Variants in DENND4A observed in about 807,000 individuals in gnomAD.
The protein encoded by DENND4A is DENN domain containing 4A.
In DENND4A, 70 loss-of-function variants were observed where a neutral mutation model predicts 199.3. That is an observed-to-expected ratio of 0.35 (90% CI 0.29 to 0.43). The LOEUF is 0.43. DENND4A is among the 20% of genes least tolerant of loss of function. The pLI is 1.00. For synonymous variants in DENND4A, 686 were observed against 766.9 expected, an observed-to-expected ratio of 0.89 and a Z score of 1.74; for missense variants, 1,723 against 2,255.8, an observed-to-expected ratio of 0.76 and a Z score of 4.78.
At chr15:65,759,434 C>T (rs1047834833) in intron 2 of DENND4A, among the ~76,000 whole-genome samples, 23 of 151,672 alleles carry the variant, frequency 1.5e-4, no homozygotes, top group African/African-American at 4.9e-4. Context: ...GACAAGATCG[C>T]GCCACTGCAC....
chr15:65,763,196 G>C (rs991827122), intron 1 of DENND4A, among the ~76,000 whole-genome samples: 2 of 152,048 alleles, frequency 1.3e-5, no homozygotes, highest in Admixed American at 1.3e-4. Context: ...TAGCTTCTGC[G>C]GGGAAACAAG....
Position 65,732,780 on chromosome 15 carries a change from G to A in DENND4A, c.1079C>T (p.Ser360Phe). 6.2e-7 allele frequency: 1 copy of A among 1,605,474 alleles called. No homozygotes were observed. The highest frequency in any genetic ancestry group is 1.1e-5 in the South Asian group (1 of 90,414). The change falls in exon 8 of 33, where the codon TCT becomes TTT. Residue 360 changes from serine to phenylalanine, a missense_variant. This residue lies in a region of DENND4A where 725 missense variants were observed against 952.9 expected (regional missense o/e 0.76). Coordinates refer to ENST00000443035, the MANE Select transcript of DENND4A (RefSeq NM_001320835.1). Reference protein sequence around the residue: ...SHFMHKVPFPSPQRPRILVQL... With the variant: ...SHFMHKVPFPFPQRPRILVQL... ...AACTAAAATCCGTGGTCTCTGAGGA[G>A]ATGGAAAAGGAACTTTATGCATAAA...
chr15:65,698,364 A>C (rs922142586), intron 20 of DENND4A, among the ~76,000 whole-genome samples: 16 of 152,188 alleles, frequency 1.1e-4, no homozygotes, highest in African/African-American at 3.9e-4. Flanking sequence ...CGTTTTCACC[A>C]GATTAGTCAC....
chr15:65,705,984 A>G, intron 15 of DENND4A, 107 bp downstream of exon 15: 4 of 1,361,116 alleles, frequency 2.9e-6, no homozygotes, highest in Non-Finnish European at 3.8e-6. Context: ...AAAATTAGGG[A>G]TCTGTAAAGT....
At chr15:65,686,585 A>G (rs538244841) in intron 23 of DENND4A, among the ~76,000 whole-genome samples, 33 of 152,276 alleles carry the variant, frequency 2.2e-4, no homozygotes, top group Middle Eastern at 3.4e-3. Context: ...TTTTTCAGAG[A>G]CAAAGTCTTG....
At chr15:65,730,211 A>G (rs894664812) in intron 9 of DENND4A, among the ~76,000 whole-genome samples, 1 of 152,180 alleles carries the variant, frequency 6.6e-6, no homozygotes, top group African/African-American at 2.4e-5. Flanking sequence ...GTACAAGATG[A>G]TAAGATACAC....
At chr15:65,757,219 A>G (rs2076727019) in intron 2 of DENND4A, among the ~76,000 whole-genome samples, 1 of 143,218 alleles carries the variant, frequency 7.0e-6, no homozygotes, top group Non-Finnish European at 1.5e-5. Flanking sequence ...TCTCCTCAAT[A>G]ATCAAGAGGC....
In DENND4A at chr15:65,706,508, A is replaced by ATTT. The variant is rs1555422315; in HGVS notation, c.1954-287_1954-285dup. 1.7e-3 allele frequency among the ~76,000 whole-genome samples: 228 copies of ATTT among 136,070 alleles called. 3 individuals carry two copies. The East Asian group carries it at 0.027, about 16-fold the overall frequency. The allele number at this position is 136,070 out of a possible 152,430, so 89.3% of individuals were successfully genotyped here. A position where few individuals can be genotyped will look rare whatever the true frequency, so the allele number is the denominator to read the frequency against. ...CACACACACACACATATATATATAT[A>ATTT]TTTTTTTTTGAGACAGTCTTGCTCT... On this transcript the variant is annotated intron_variant, in intron 14 of 32. Transcript: ENST00000443035.
At position 65,749,177 on chromosome 15, in the gene DENND4A, CTT is replaced by C. The variant is rs564903763; in HGVS notation, c.561+3200_561+3201del. ...ATAAAATCTTAATAGTAAATATGCG[CTT>C]TGATCCAGAAATTCCAGGACGAACC... On this transcript the variant is annotated intron_variant, in intron 4 of 32. Transcript: ENST00000443035. Among the ~76,000 whole-genome samples the C allele has an allele frequency of 5.9e-5, 9 of 151,426 alleles. No individual in the cohort carries two copies. In the South Asian group the frequency reaches 1.9e-3, roughly 31 times the overall value.
chr15:65,700,672 T>A lies in DENND4A; in HGVS notation c.2705A>T (p.Asp902Val), dbSNP rs567137229. The change falls in exon 20 of 33, where the codon GAT (aspartate) becomes GTT (valine). Residue 902 changes from aspartate (D) to valine (V), a missense_variant. Physicochemically the swap from Asp to Val is radical, Grantham distance 152. Coordinates refer to ENST00000443035, the MANE Select transcript of DENND4A (RefSeq NM_001320835.1). The part of the protein sequence containing the change: ...AHLSQTTLSA[D>V]GSDLDAVSHG... The stretch of plus-strand genomic sequence containing the variant: ...ACTAACAGCATCCAGGTCACTGCCA[T>A]CTGCTTAAGAACACAATTTGACAGC... 1 of 1,534,858 alleles carries A rather than the reference T, an allele frequency of 6.5e-7. No individual in the cohort carries two copies. Among genetic ancestry groups the A allele is most frequent in the African/African-American group, 1.4e-5 (1 of 72,158 alleles).
At chr15:65,710,519 C>G (rs2075214358) in intron 14 of DENND4A, among the ~76,000 whole-genome samples, 1 of 152,132 alleles carries the variant, frequency 6.6e-6, no homozygotes, top group South Asian at 2.1e-4. Flanking sequence ...CCAATGGAAG[C>G]CCAGCACCTG....
chr15:65,770,352 T>C (rs1193128861), intron 1 of DENND4A, among the ~76,000 whole-genome samples: 1 of 152,142 alleles, frequency 6.6e-6, no homozygotes, highest in Non-Finnish European at 1.5e-5. Flanking sequence ...GACATACACA[T>C]CAAAATTTGG....
At chr15:65,667,778 T>C (rs1703151251) in intron 28 of DENND4A, 75 bp from the exon 29 acceptor site, 1 of 1,518,890 alleles carries the variant, frequency 6.6e-7, no homozygotes. Context: ...ATGATTCCCA[T>C]ATGAGTAGAA....
chr15:65,739,430 T>A lies in DENND4A; in HGVS notation c.632-555A>T, dbSNP rs2076195825. 2.0e-5 allele frequency among the ~76,000 whole-genome samples: 3 copies of A among 152,188 alleles called. No individual in the cohort carries two copies. The South Asian group carries it at 6.2e-4, about 31-fold the overall frequency. ...ACACCAGGTTATATGAAGATAGAGT[T>A]TTAAGTTGCCTATGATTTCACATTA... On this transcript the variant is annotated intron_variant, in intron 5 of 32. Coordinates refer to ENST00000443035, the MANE Select transcript of DENND4A (RefSeq NM_001320835.1).
chr15:65,688,119 T>C (rs916282874), intron 23 of DENND4A, among the ~76,000 whole-genome samples: 4 of 152,212 alleles, frequency 2.6e-5, no homozygotes, highest in African/African-American at 9.6e-5. Flanking sequence ...TAATTTCTAT[T>C]ACTGTATCTT....
intron 14 of DENND4A, among the ~76,000 whole-genome samples, chr15:65,709,719 A>AAAAAAAAAAAAATATATATAT (rs1218030026): frequency 3.9e-5 from 2 of 51,470 alleles, no homozygotes; most frequent in Non-Finnish European, 6.3e-5. Flanking sequence ...AAAAAAAAAA[A>AAAAAAAAAAAAATATATATAT]ATATATATAT....
At chr15:65,695,554 T>C (rs1200460869) in intron 22 of DENND4A, among the ~76,000 whole-genome samples, 7 of 152,166 alleles carry the variant, frequency 4.6e-5, no homozygotes, top group Admixed American at 4.6e-4. Flanking sequence ...TCTAACTGTG[T>C]TGCAAAAAAA....
At chr15:65,711,259 C>T (rs78388377) in intron 14 of DENND4A, among the ~76,000 whole-genome samples, 6,460 of 152,182 alleles carry the variant, frequency 0.042, 399 homozygotes, top group African/African-American at 0.13. Context: ...CCCAGCACTT[C>T]GGAAGACTAC....
chr15:65,727,322 G>A (rs2075829901), intron 11 of DENND4A, among the ~76,000 whole-genome samples: 3 of 150,352 alleles, frequency 2.0e-5, no homozygotes, highest in African/African-American at 7.3e-5. Context: ...GCATGGTGGC[G>A]GGTACCTGTA....
Sources: allele counts gnomAD v4.1 joint callset (sites outside exome capture counted in the v4.1 genomes callset), GRCh38; gene constraint gnomAD v4.1.1; regional missense constraint gnomAD v4.1.1; transcripts MANE v1.5; gene names NCBI Gene and HGNC (gene_info 2026-07-23, HGNC 2026-07-21).